The following TRDN variants were observed in gnomAD, a reference collection of about 807,000 sequenced individuals.
TRDN encodes triadin.
TRDN carries 161 observed loss-of-function variants against 149.7 expected under a neutral mutation model. That is an observed-to-expected ratio of 1.08 (90% CI 0.95 to 1.23). TRDN has a LOEUF of 1.23. TRDN is among the 50% of genes most tolerant of loss of function. The pLI, the probability that TRDN is intolerant of heterozygous loss-of-function variation, is 0.00. For missense variants in TRDN, 896 were observed against 823.5 expected, an observed-to-expected ratio of 1.09 and a Z score of -1.08; for synonymous variants, 294 against 250.5, an observed-to-expected ratio of 1.17 and a Z score of -1.64.
intron 20 of TRDN, among the ~76,000 whole-genome samples, chr6:123,359,795 A>G (rs558205745): frequency 2.0e-5 from 3 of 152,040 alleles, no homozygotes; most frequent in African/African-American, 4.8e-5. Flanking sequence ...TCCTGGGTTC[A>G]CGCCATTCTC....
At chr6:123,538,287 G>A (rs1392321577) in intron 4 of TRDN, among the ~76,000 whole-genome samples, 2 of 151,986 alleles carry the variant, frequency 1.3e-5, no homozygotes, top group Admixed American at 6.6e-5. Context: ...TCTGCCAATT[G>A]TTATTAGAGC....
chr6:123,632,556 T>A (rs999518480), intron 1 of TRDN, among the ~76,000 whole-genome samples: 6 of 152,092 alleles, frequency 3.9e-5, no homozygotes, highest in African/African-American at 1.4e-4. Context: ...CTCTTTTGAA[T>A]AGGCTAGCTT....
chr6:123,549,654 T>C (rs1344625099), intron 2 of TRDN, among the ~76,000 whole-genome samples: 1 of 152,024 alleles, frequency 6.6e-6, no homozygotes, highest in Non-Finnish European at 1.5e-5. Flanking sequence ...GATGAAGTGA[T>C]TTGACTTCCT....
At chr6:123,502,651 T>C (rs1354148202) in intron 8 of TRDN, 2 of 984,374 alleles carry the variant, frequency 2.0e-6, no homozygotes, top group South Asian at 4.7e-5. Flanking sequence ...TGAGGAAAAA[T>C]TAATTTCAGT....
At chr6:123,492,757 A>G (rs1778276730) in intron 9 of TRDN, among the ~76,000 whole-genome samples, 2 of 152,128 alleles carry the variant, frequency 1.3e-5, no homozygotes, top group Admixed American at 6.5e-5. Context: ...AGAAAAAGAA[A>G]AAAACCCATA....
intron 2 of TRDN, among the ~76,000 whole-genome samples, chr6:123,559,696 A>G (rs2114491616): frequency 1.3e-5 from 2 of 152,224 alleles, no homozygotes; most frequent in Middle Eastern, 6.8e-3. Flanking sequence ...AAAGCCTATA[A>G]ACTCTCCTTA....
intron 38 of TRDN, among the ~76,000 whole-genome samples, chr6:123,249,157 T>A (rs2114563477): frequency 6.6e-6 from 1 of 152,132 alleles, no homozygotes; most frequent in African/African-American, 2.4e-5. Context: ...CGCAAAAGAA[T>A]ACATACAATC....
intron 24 of TRDN, among the ~76,000 whole-genome samples, chr6:123,299,566 A>C (rs1453531323): frequency 3.3e-5 from 5 of 152,058 alleles, no homozygotes. Context: ...GGAAGACGTC[A>C]TACAGGTGCC....
chr6:123,605,245 C>T (rs1784473829), intron 1 of TRDN, among the ~76,000 whole-genome samples: 1 of 139,488 alleles, frequency 7.2e-6, no homozygotes. Flanking sequence ...TTATTTCCAT[C>T]AAATAATTAT....
chr6:123,513,085 A>G (rs1442641096), intron 6 of TRDN, among the ~76,000 whole-genome samples: 1 of 152,194 alleles, frequency 6.6e-6, no homozygotes, highest in Non-Finnish European at 1.5e-5. Context: ...TCAGTTGAAG[A>G]GCAAGTGTCC....
chr6:123,507,880 C>T (rs9401678), intron 7 of TRDN, among the ~76,000 whole-genome samples: 126,193 of 152,080 alleles, frequency 0.83, 52,555 homozygotes, highest in East Asian at 0.88. Flanking sequence ...AATAGTATCC[C>T]TCAAGAAACA....
Position 123,438,121 on chromosome 6 carries a change from T to G in TRDN, c.993A>C (p.Glu331Asp), listed in dbSNP as rs1338731477. 3.8e-6 allele frequency: 6 copies of G among 1,581,052 alleles called. No individual in the cohort carries two copies. The highest frequency in any genetic ancestry group is 4.3e-6 in the Non-Finnish European group (5 of 1,166,482). The change falls in exon 12 of 41, where the codon GAA becomes GAC. Residue 331 changes from glutamate to aspartate, a missense_variant and splice_region_variant. Transcript: ENST00000334268. ...CACTTTTCTTTTTGATATCTTCTTT[T>G]TCTGCTGGTAAAATAAGAAAGTTAT... ...KKVTSETKKK[E>D]KEDIKKKSEK... is the part of the protein sequence containing the mutation.
intron 1 of TRDN, among the ~76,000 whole-genome samples, chr6:123,612,242 G>GA (rs35184623): frequency 0.23 from 21,318 of 94,512 alleles, 2,768 homozygotes; most frequent in East Asian, 0.37. Context: ...TAAAAATACA[G>GA]AAAAAAAAAA....
chr6:123,259,118 T>G (rs1037307491), intron 35 of TRDN, among the ~76,000 whole-genome samples: 1 of 152,080 alleles, frequency 6.6e-6, no homozygotes, highest in Non-Finnish European at 1.5e-5. Flanking sequence ...TTTTAAGGGT[T>G]TTTTTGTGTC....
chr6:123,407,800 C>T (rs1174634955), intron 12 of TRDN, among the ~76,000 whole-genome samples: 1 of 151,970 alleles, frequency 6.6e-6, no homozygotes, highest in East Asian at 1.9e-4. Context: ...AAAGTAAGGT[C>T]TCTGCCTTTT....
chr6:123,252,346 G>T, intron 38 of TRDN, 66 bp downstream of exon 38: 2 of 977,550 alleles, frequency 2.0e-6, no homozygotes, highest in South Asian at 3.7e-5. Context: ...AATATTTTAT[G>T]AATTTCATCT....
chr6:123,471,387 A>C (rs1417999458), intron 9 of TRDN: 1 of 152,214 alleles, frequency 6.6e-6, no homozygotes, highest in African/African-American at 2.4e-5. Context: ...CTTGTATAGA[A>C]GATCACCAGT....
chr6:123,563,549 G>T (rs919463229), intron 2 of TRDN, among the ~76,000 whole-genome samples: 19 of 152,100 alleles, frequency 1.2e-4, no homozygotes, highest in African/African-American at 3.1e-4. Flanking sequence ...GGAACACATG[G>T]TTTTTTGTAG....
chr6:123,530,594 A>G, intron 4 of TRDN, 29 bp from the exon 5 acceptor site: 1 of 1,163,518 alleles, frequency 8.6e-7, no homozygotes, highest in Non-Finnish European at 1.2e-6. Flanking sequence ...TATAATTTTA[A>G]AACTCTGAAA....
Sources: gnomAD v4.1 joint callset for allele counts (sites outside exome capture counted in the v4.1 genomes callset) on GRCh38, gnomAD v4.1.1 for gene constraint, MANE v1.5 for transcripts, NCBI Gene and HGNC (gene_info 2026-07-23, HGNC 2026-07-21) for gene names.